ANKRD31: variants seen among roughly 807,000 people sequenced by gnomAD.
ANKRD31 encodes the protein ankyrin repeat domain 31, also known as ankyrin repeat domain-containing protein 31.
In ANKRD31, 147 loss-of-function variants were observed where a neutral mutation model predicts 186.0. The ratio of observed to expected loss-of-function variants is 0.79; its 90% CI spans 0.69 to 0.91. The LOEUF is 0.91. ANKRD31 is among the 40% of genes least tolerant of loss of function. The pLI is 0.00. For missense variants in ANKRD31, 1,986 were observed against 2,148.8 expected (o/e 0.92, Z 1.50); for synonymous variants, 673 against 736.4 (o/e 0.91, Z 1.39).
chr5:75,158,397 C>T (rs186091407), intron 11 of ANKRD31, among the ~76,000 whole-genome samples: 1 of 152,106 alleles, frequency 6.6e-6, no homozygotes, highest in African/African-American at 2.4e-5. Flanking sequence ...AAATAGACTT[C>T]ACAACTTATC....
intron 1 of ANKRD31, among the ~76,000 whole-genome samples, chr5:75,231,478 A>C (rs1757946934): frequency 6.6e-6 from 1 of 152,182 alleles, no homozygotes; most frequent in Admixed American, 6.5e-5. Context: ...GAAGCTCCAA[A>C]TCTAGTAAGG....
chr5:75,234,781 T>G (rs1038643585), intron 1 of ANKRD31, among the ~76,000 whole-genome samples: 3 of 152,354 alleles, frequency 2.0e-5, no homozygotes, highest in East Asian at 3.8e-4. Flanking sequence ...TATATCTTTC[T>G]TCCTCTACAG....
chr5:75,196,319 ACTTTC>A, intron 6 of ANKRD31, 119 bp from the exon 7 acceptor site: 4 of 767,346 alleles, frequency 5.2e-6, no homozygotes, highest in Non-Finnish European at 5.5e-6. Context: ...TTTATCATCA[ACTTTC>A]CTTCCCTTCC....
chr5:75,161,329 C>A (rs1390410298), intron 11 of ANKRD31, among the ~76,000 whole-genome samples: 2 of 152,150 alleles, frequency 1.3e-5, no homozygotes, highest in African/African-American at 4.8e-5. Context: ...AAGAGACTGG[C>A]AGCATTTTGC....
chr5:75,171,763 A>G (rs1753343754), intron 10 of ANKRD31, among the ~76,000 whole-genome samples: 1 of 151,790 alleles, frequency 6.6e-6, no homozygotes, highest in Non-Finnish European at 1.5e-5. Flanking sequence ...GCCTATACCT[A>G]TTAATGAATT....
chr5:75,070,195 G>T (rs1025612677), intron 25 of ANKRD31, among the ~76,000 whole-genome samples: 1 of 151,920 alleles, frequency 6.6e-6, no homozygotes, highest in East Asian at 1.9e-4. Context: ...ATAGACTTCC[G>T]GAAACAAGGT....
intron 17 of ANKRD31, among the ~76,000 whole-genome samples, chr5:75,120,858 C>A (rs1748707403): frequency 6.6e-6 from 1 of 152,054 alleles, no homozygotes; most frequent in African/African-American, 2.4e-5. Flanking sequence ...CTATATGCTG[C>A]CCACAAGAAA....
chr5:75,220,362 C>T (rs1015279137), intron 3 of ANKRD31, among the ~76,000 whole-genome samples: 1 of 152,076 alleles, frequency 6.6e-6, no homozygotes, highest in Non-Finnish European at 1.5e-5. Context: ...GGGCAATGGC[C>T]GGGAACGGTG....
At chr5:75,122,857 T>C (rs1021721333) in intron 17 of ANKRD31, among the ~76,000 whole-genome samples, 14 of 151,936 alleles carry the variant, frequency 9.2e-5, no homozygotes, top group Admixed American at 3.9e-4. Flanking sequence ...TGAAAACAAT[T>C]CCCCTAAGAA....
intron 9 of ANKRD31, among the ~76,000 whole-genome samples, chr5:75,192,225 A>G (rs1055300988): frequency 3.3e-5 from 5 of 152,094 alleles, no homozygotes; most frequent in African/African-American, 1.2e-4. Context: ...TCTACTATCT[A>G]TTATTTTTTA....
intron 23 of ANKRD31, among the ~76,000 whole-genome samples, chr5:75,085,772 C>T (rs1009058304): frequency 3.3e-5 from 5 of 152,158 alleles, no homozygotes; most frequent in African/African-American, 1.2e-4. Context: ...AAAAAAGTGC[C>T]TCCAGCTTAT....
At chr5:75,132,175 T>A (rs1580388171) in intron 17 of ANKRD31, among the ~76,000 whole-genome samples, 1 of 152,056 alleles carries the variant, frequency 6.6e-6, no homozygotes, top group Non-Finnish European at 1.5e-5. Flanking sequence ...CTTTGACGAG[T>A]TGAGGGAAGA....
intron 3 of ANKRD31, among the ~76,000 whole-genome samples, chr5:75,220,671 T>C (rs1580584624): frequency 6.7e-6 from 1 of 148,622 alleles, no homozygotes; most frequent in South Asian, 2.1e-4. Flanking sequence ...GCAAAAGACA[T>C]GAACAGACAC....
At chr5:75,110,461 C>T (rs990154444) in intron 20 of ANKRD31, among the ~76,000 whole-genome samples, 1 of 151,748 alleles carries the variant, frequency 6.6e-6, no homozygotes, top group Admixed American at 6.6e-5. Context: ...CCTGTAATCC[C>T]AGCACTTTGG....
At chr5:75,196,269 T>C in intron 6 of ANKRD31, 69 bp from the exon 7 acceptor site, 7 of 1,185,952 alleles carry the variant, frequency 5.9e-6, no homozygotes, top group Non-Finnish European at 6.6e-6. Context: ...GAAAACTTTA[T>C]AGTTTTATAG....
intron 17 of ANKRD31, among the ~76,000 whole-genome samples, chr5:75,137,087 C>T (rs1750646976): frequency 1.3e-5 from 2 of 152,088 alleles, no homozygotes; most frequent in South Asian, 2.1e-4. Flanking sequence ...GGGTGCAGCA[C>T]ACCAACATGG....
intron 17 of ANKRD31, among the ~76,000 whole-genome samples, chr5:75,128,639 G>T (rs1275742081): frequency 6.6e-6 from 1 of 151,060 alleles, no homozygotes; most frequent in African/African-American, 2.4e-5. Flanking sequence ...AAGTAGCTGA[G>T]ACTACAGGCA....
In ANKRD31 at chr5:75,144,053, T is replaced by G. The variant is rs1263044131; in HGVS notation, c.3543A>C (p.Thr1181=). 3 of 397,476 alleles carry G rather than the reference T, an allele frequency of 7.5e-6. No individual in the cohort carries two copies. Among genetic ancestry groups the G allele is most frequent in the Non-Finnish European group, 1.3e-5 (3 of 225,420 alleles). The allele number at this position is 397,476 out of a possible 1,614,324, so 24.6% of individuals were successfully genotyped here. A position where few individuals can be genotyped will look rare whatever the true frequency, so the allele number is the denominator to read the frequency against. Residue 1181 remains threonine (T), a synonymous_variant, in exon 15 of 26, where the codon ACA becomes ACC. Transcript: ENST00000506364. ...HMPTNSQEHK[T]VQNFRKRQSF... ...TTTGTCTTTTTCTGAAATTCTGAACTGTTTTGTGTTCTTGGCTATTAGTAG... is the reference window on the plus strand; with the variant it reads ...TTTGTCTTTTTCTGAAATTCTGAACGGTTTTGTGTTCTTGGCTATTAGTAG...
chr5:75,071,519 G>GTTTTTTTT, intron 25 of ANKRD31, among the ~76,000 whole-genome samples: 1 of 147,864 alleles, frequency 6.8e-6, no homozygotes. Context: ...TTTTGAGGTG[G>GTTTTTTTT]AGTCTCGGTC....
Sources: allele counts gnomAD v4.1 joint callset (sites outside exome capture counted in the v4.1 genomes callset), GRCh38; gene constraint gnomAD v4.1.1; transcripts MANE v1.5; gene names NCBI Gene and HGNC (gene_info 2026-07-23, HGNC 2026-07-21).